LRP6: variants seen among roughly 807,000 people sequenced by gnomAD.
LRP6 encodes the protein LDL receptor related protein 6.
LRP6 carries 43 observed loss-of-function variants against 184.1 expected under a neutral mutation model. The observed-to-expected ratio is 0.23, with a 90% CI of 0.18 to 0.30. The LOEUF is 0.30. Ranked by LOEUF, LRP6 falls within the 10% of genes least tolerant of loss-of-function variation. The pLI is 1.00. For missense variants in LRP6, 1,571 were observed against 2,005.3 expected (o/e 0.78, Z 4.14); for synonymous variants, 719 against 684.9 (o/e 1.05, Z -0.78).
At position 12,126,839 on chromosome 12, in the gene LRP6, T is replaced by C. The variant is rs1591862432; in HGVS notation, c.4164A>G (p.Gly1388=). The C allele has an allele frequency of 1.9e-6, 3 of 1,614,144 alleles. No homozygotes were observed. The highest frequency in any genetic ancestry group is 2.5e-6 in the Non-Finnish European group (3 of 1,179,996). The part of the protein sequence containing the change: ...IGVIVTIFVS[G]TVYFICQRML... ...TCCTCTGGCAGATAAAGTATACAGT[T>C]CCAGACACAAAAATGGTGACAATTA... is the stretch of plus-strand genomic sequence containing the variant. The change falls in exon 20 of 23, where the codon GGA becomes GGG. Residue 1388 remains glycine (G), a synonymous_variant. Coordinates refer to ENST00000261349, the MANE Select transcript of LRP6 (RefSeq NM_002336.3).
At position 12,126,925 on chromosome 12, in the gene LRP6, C is replaced by T; in HGVS notation, c.4082-4G>A. On this transcript the variant is annotated splice_polypyrimidine_tract_variant and splice_region_variant and intron_variant, in intron 19 of 22. Coordinates refer to ENST00000261349, the MANE Select transcript of LRP6 (RefSeq NM_002336.3). The stretch of plus-strand genomic sequence containing the variant: ...GGTGCTGGTTCTTCAGTCGGATCTA[C>T]AATGAAGAATGCAGTATGGTTATTT... 1.2e-6 allele frequency: 2 copies of T among 1,604,768 alleles called. No individual in the cohort carries two copies. The highest frequency in any genetic ancestry group is 1.7e-6 in the Non-Finnish European group (2 of 1,171,550).
chr12:12,257,968 C>CAAA (rs1172116150), intron 1 of LRP6, among the ~76,000 whole-genome samples: 1 of 65,274 alleles, frequency 1.5e-5, no homozygotes, highest in African/African-American at 5.8e-5. Context: ...GACCCTGTCT[C>CAAA]AAAAAAAAAA....
chr12:12,241,836 T>C (rs1865073800), intron 2 of LRP6, among the ~76,000 whole-genome samples: 1 of 152,180 alleles, frequency 6.6e-6, no homozygotes, highest in Non-Finnish European at 1.5e-5. Flanking sequence ...CTTCCAATAA[T>C]CTTTTTTATC....
At chr12:12,154,146 T>C (rs1042144501) in intron 12 of LRP6, among the ~76,000 whole-genome samples, 3 of 152,234 alleles carry the variant, frequency 2.0e-5, no homozygotes, top group Non-Finnish European at 2.9e-5. Flanking sequence ...TCTGATCTAA[T>C]TTCTTTATTC....
intron 20 of LRP6, among the ~76,000 whole-genome samples, chr12:12,126,462 G>A (rs1397804890): frequency 6.6e-6 from 1 of 152,176 alleles, no homozygotes; most frequent in African/African-American, 2.4e-5. Flanking sequence ...CTTAGAGCTT[G>A]CATATGTATT....
chr12:12,228,404 C>T (rs748525575), intron 2 of LRP6, among the ~76,000 whole-genome samples: 1 of 152,096 alleles, frequency 6.6e-6, no homozygotes, highest in Non-Finnish European at 1.5e-5. Context: ...GAGATAAATG[C>T]TATGCCTAAA....
At chr12:12,174,672 G>A (rs529252133) in intron 7 of LRP6, among the ~76,000 whole-genome samples, 1 of 152,194 alleles carries the variant, frequency 6.6e-6, no homozygotes, top group African/African-American at 2.4e-5. Flanking sequence ...TGAATACTTG[G>A]GAAACAAATT....
At chr12:12,248,411 T>C (rs1865240878) in intron 1 of LRP6, among the ~76,000 whole-genome samples, 1 of 150,634 alleles carries the variant, frequency 6.6e-6, no homozygotes, top group Non-Finnish European at 1.5e-5. Context: ...ATCACTCAAC[T>C]GCAAGTGCTT....
In LRP6 at chr12:12,181,062, C is replaced by A. The variant is rs1245629623; in HGVS notation, c.1354G>T (p.Val452Leu). 1 of 1,613,994 alleles carries A rather than the reference C, an allele frequency of 6.2e-7. No individual in the cohort carries two copies. The highest frequency in any genetic ancestry group is 8.5e-7 in the Non-Finnish European group (1 of 1,179,974). ...TCTTACCCAACCATGGGATCTAACA[C>A]AATAGCCCGGGGTTCCTCTAAGTCC... ...SEDLEEPRAI[V>L]LDPMVGYMYW... Residue 452 changes from valine to leucine, a missense_variant, in exon 6 of 23, where the codon GTG becomes TTG. Coordinates refer to ENST00000261349, the MANE Select transcript of LRP6 (RefSeq NM_002336.3).
At chr12:12,255,246 A>T (rs886566143) in intron 1 of LRP6, among the ~76,000 whole-genome samples, 1 of 152,014 alleles carries the variant, frequency 6.6e-6, no homozygotes, top group African/African-American at 2.4e-5. Flanking sequence ...GCTTGCCCTA[A>T]GCTTAAGAAA....
intron 5 of LRP6, 142 bp from the exon 6 acceptor site, chr12:12,181,581 G>T (rs1863346622): frequency 1.5e-6 from 1 of 664,408 alleles, no homozygotes; most frequent in Non-Finnish European, 2.7e-6. Context: ...CTTTAGAGTG[G>T]AAATGGAAAG....
Position 12,204,860 on chromosome 12 carries a change from G to A in LRP6, c.450-1460C>T, listed in dbSNP as rs183829000. On this transcript the variant is annotated intron_variant, in intron 2 of 22. Coordinates refer to ENST00000261349, the MANE Select transcript of LRP6 (RefSeq NM_002336.3). ...TGGGTGCCTGTTATCCCAGCTACTC[G>A]GGAGGCTGAGGCAGGAGAATCGCTT... Among the ~76,000 whole-genome samples, 69 of 150,888 alleles carry A rather than the reference G, an allele frequency of 4.6e-4. No individual in the cohort carries two copies. The East Asian group carries it at 0.013, about 28-fold the overall frequency.
chr12:12,171,342 C>T (rs1863036544), intron 7 of LRP6, among the ~76,000 whole-genome samples: 1 of 151,958 alleles, frequency 6.6e-6, no homozygotes, highest in South Asian at 2.1e-4. Context: ...TGGTGAAACT[C>T]CATCTCTACT....
chr12:12,150,187 C>T (rs1174905685), intron 13 of LRP6, among the ~76,000 whole-genome samples: 2 of 152,006 alleles, frequency 1.3e-5, no homozygotes, highest in Non-Finnish European at 1.5e-5. Flanking sequence ...AAAGAAGTAT[C>T]GATAGTGATG....
rs1359986221 is a variant in LRP6, at chr12:12,119,266, C to T, written c.*1860G>A. ...TTAACTTGCATGAACAGTTACTTCA[C>T]CCTTGCCCAAATTCTGAATCCTTTC... On this transcript the variant is annotated 3_prime_UTR_variant, in exon 23 of 23. Transcript: ENST00000261349. 6.6e-6 allele frequency: 1 copy of T among 152,134 alleles called. No homozygotes were observed. The highest frequency in any genetic ancestry group is 2.1e-4 in the South Asian group (1 of 4,822). 9.4% of individuals were successfully genotyped at this position (152,134 alleles called of 1,614,324 possible).
At chr12:12,228,735 C>G (rs1401495294) in intron 2 of LRP6, among the ~76,000 whole-genome samples, 3 of 152,260 alleles carry the variant, frequency 2.0e-5, no homozygotes, top group East Asian at 1.9e-4. Flanking sequence ...AATGCCTGAT[C>G]TGAGGTGGCA....
intron 2 of LRP6, chr12:12,226,704 C>T (rs1306235902): frequency 6.6e-6 from 1 of 152,232 alleles, no homozygotes; most frequent in African/African-American, 2.4e-5. Context: ...TATACTAACA[C>T]TGGAACAATT....
At chr12:12,210,313 T>A (rs1864174626) in intron 2 of LRP6, among the ~76,000 whole-genome samples, 1 of 152,172 alleles carries the variant, frequency 6.6e-6, no homozygotes, top group Non-Finnish European at 1.5e-5. Flanking sequence ...GATTTACAAA[T>A]GTGAATGTGT....
In LRP6 at chr12:12,229,295, G is replaced by A. The variant is rs376279369; in HGVS notation, c.449+14967C>T. On this transcript the variant is annotated intron_variant, in intron 2 of 22. Coordinates refer to ENST00000261349, the MANE Select transcript of LRP6 (RefSeq NM_002336.3). The stretch of plus-strand genomic sequence containing the variant: ...TGAGGCAGGAGAATCGCTTGAACCC[G>A]CAAGGCGGAGGTTGCTGTGAGCCGA... 2.2e-4 allele frequency among the ~76,000 whole-genome samples: 33 copies of A among 149,314 alleles called. No homozygotes were observed. The East Asian group carries it at 2.8e-3, about 13-fold the overall frequency.
Sources: gnomAD v4.1 joint callset for allele counts (sites outside exome capture counted in the v4.1 genomes callset) on GRCh38, gnomAD v4.1.1 for gene constraint, MANE v1.5 for transcripts, NCBI Gene and HGNC (gene_info 2026-07-23, HGNC 2026-07-21) for gene names.